The following RGS12 variants were observed in gnomAD, a reference collection of about 807,000 sequenced individuals.
RGS12 encodes regulator of G protein signaling 12.
Under a neutral mutation model 120.1 loss-of-function variants are expected in RGS12, and 66 were observed. The ratio of observed to expected loss-of-function variants is 0.55; its 90% CI spans 0.45 to 0.67. The LOEUF (loss-of-function observed/expected upper bound fraction) is 0.67. Among genes scored for constraint, RGS12 ranks in the 30% least tolerant of loss-of-function variants. RGS12 has a pLI of 0.00. For missense variants in RGS12, 1,859 were observed against 1,957.7 expected, an observed-to-expected ratio of 0.95 and a Z score of 0.95; for synonymous variants, 827 against 804.7, an observed-to-expected ratio of 1.03 and a Z score of -0.47.
Position 3,417,504 on chromosome 4 carries a change from G to A in RGS12, c.2724G>A (p.Arg908=), listed in dbSNP as rs774988349. Residue 908 remains arginine, a synonymous_variant, in exon 9 of 18, where the codon AGG becomes AGA. Transcript: ENST00000336727. ...FSWSRTRSTG[R]SQKKREHGDH... is the part of the protein sequence containing the mutation. ...GGTCGCGGACCAGGAGCACCGGGAG[G>A]TCCCAGAAAAAGAGGGAGCACGGGG... 36 of 1,613,250 alleles carry A rather than the reference G, an allele frequency of 2.2e-5. No homozygotes were observed. Among genetic ancestry groups the A allele is most frequent in the Middle Eastern group, 3.3e-4 (2 of 6,084 alleles).
At chr4:3,412,481 A>T (rs1721845752) in intron 4 of RGS12, among the ~76,000 whole-genome samples, 1 of 152,086 alleles carries the variant, frequency 6.6e-6, no homozygotes, top group South Asian at 2.1e-4. Flanking sequence ...TGATAATAAG[A>T]TGTGTTCTAT....
At chr4:3,310,228 G>A (rs58988368) in intron 1 of RGS12, among the ~76,000 whole-genome samples, 673 of 12,114 alleles carry the variant, frequency 0.056, 3 homozygotes, top group African/African-American at 0.098. Flanking sequence ...AACCGTGTGG[G>A]GGAGGAGCTG....
intron 4 of RGS12, among the ~76,000 whole-genome samples, chr4:3,405,740 G>A (rs906652887): frequency 2.6e-5 from 4 of 152,236 alleles, no homozygotes; most frequent in Non-Finnish European, 5.9e-5. Flanking sequence ...TTGCGTGTGT[G>A]CAGGTGTGAA....
intron 1 of RGS12, among the ~76,000 whole-genome samples, chr4:3,305,441 CAG>C (rs369849602): frequency 9.0e-4 from 137 of 152,294 alleles, no homozygotes; most frequent in African/African-American, 3.1e-3. Context: ...AGCATCTGCT[CAG>C]AGTCCCGCGT....
At chr4:3,370,641 T>C (rs1377718899) in intron 3 of RGS12, among the ~76,000 whole-genome samples, 1 of 152,264 alleles carries the variant, frequency 6.6e-6, no homozygotes, top group Non-Finnish European at 1.5e-5. Flanking sequence ...GTAATTCTCA[T>C]AGATTTGAAA....
chr4:3,364,106 C>T (rs1338774565), intron 3 of RGS12, among the ~76,000 whole-genome samples: 1 of 152,226 alleles, frequency 6.6e-6, no homozygotes, highest in Admixed American at 6.5e-5. Flanking sequence ...TCTCTATTCA[C>T]CAGGAAAATA....
intron 1 of RGS12, among the ~76,000 whole-genome samples, chr4:3,312,336 G>A (rs1724450758): frequency 6.6e-6 from 1 of 152,178 alleles, no homozygotes; most frequent in South Asian, 2.1e-4. Context: ...ACTAGTCTGG[G>A]CAACATAGTG....
At chr4:3,428,976 C>T (rs906190547) in intron 16 of RGS12, among the ~76,000 whole-genome samples, 5 of 152,228 alleles carry the variant, frequency 3.3e-5, no homozygotes, top group African/African-American at 4.8e-5. Flanking sequence ...ATGCCAGAGG[C>T]CCCCGCAGGC....
intron 17 of RGS12, chr4:3,431,173 T>C: frequency 7.1e-7 from 1 of 1,410,052 alleles, no homozygotes; most frequent in Non-Finnish European, 9.2e-7. Context: ...CCCGAGGCGC[T>C]CTGGGCAGGC....
chr4:3,336,631 G>A (rs1212062951), intron 2 of RGS12, among the ~76,000 whole-genome samples: 1 of 152,252 alleles, frequency 6.6e-6, no homozygotes, highest in East Asian at 1.9e-4. Flanking sequence ...CCCCACTGGG[G>A]CTTAGGGACT....
intron 2 of RGS12, among the ~76,000 whole-genome samples, chr4:3,320,754 G>A (rs1725122068): frequency 6.6e-6 from 1 of 152,182 alleles, no homozygotes; most frequent in South Asian, 2.1e-4. Flanking sequence ...AGTTAGAGCA[G>A]CAGAAGCTTC....
intron 3 of RGS12, among the ~76,000 whole-genome samples, chr4:3,364,223 C>T (rs909517032): frequency 2.0e-5 from 3 of 152,172 alleles, no homozygotes; most frequent in Admixed American, 6.5e-5. Flanking sequence ...TGTCACCATC[C>T]GACACTAGCA....
intron 6 of RGS12, 27 bp downstream of exon 6, chr4:3,414,871 C>T (rs1486286516): frequency 1.3e-6 from 2 of 1,540,440 alleles, no homozygotes; most frequent in South Asian, 2.2e-5. Flanking sequence ...GAAGTGGGGG[C>T]TGTGTGAGAG....
At chr4:3,288,639 C>T (rs961040609), upstream of RGS12, among the ~76,000 whole-genome samples, 10 of 152,192 alleles carry the variant, frequency 6.6e-5, no homozygotes, top group South Asian at 2.1e-4. This position sits in a 1 kb window ranked among gnomAD's most constrained non-coding sequence, Gnocchi z 5.2. Flanking sequence ...TCCTCCTTTC[C>T]GGGACGTATG....
rs1329856165 is a variant in RGS12, at chr4:3,358,534, TAA to T, written c.1998+15482_1998+15483del. On this transcript the variant is annotated intron_variant, in intron 3 of 17. Transcript: ENST00000336727. ...TTCTGGTTTACTGAGTGTTTTTTTTTAAGTCATGAAAGGGTACTGAATTTTGT... is the reference window on the plus strand; with the variant it reads ...TTCTGGTTTACTGAGTGTTTTTTTTTGTCATGAAAGGGTACTGAATTTTGT... Among the ~76,000 whole-genome samples the T allele has an allele frequency of 2.6e-5, 4 of 152,334 alleles. No homozygotes were observed. In the Middle Eastern group the frequency reaches 0.014, roughly 518 times the overall value.
chr4:3,355,478 T>G (rs1276299000), intron 3 of RGS12, among the ~76,000 whole-genome samples: 1 of 152,136 alleles, frequency 6.6e-6, no homozygotes, highest in African/African-American at 2.4e-5. Flanking sequence ...TGATTGTTAC[T>G]GTTCTCAGAT....
Position 3,370,533 on chromosome 4 carries a change from G to A in RGS12, c.1999-15883G>A, listed in dbSNP as rs577271434. 7.2e-5 allele frequency among the ~76,000 whole-genome samples: 11 copies of A among 152,348 alleles called. No individual in the cohort carries two copies. In the South Asian group the frequency reaches 1.2e-3, roughly 17 times the overall value. On this transcript the variant is annotated intron_variant, in intron 3 of 17. Transcript: ENST00000336727. ...TGGGACCGCAGCACGTCCCGGGCCC[G>A]ACACACCCGGCCGCCGGCCTCAACC...
chr4:3,387,114 C>A (rs111975327), intron 4 of RGS12, among the ~76,000 whole-genome samples: 2 of 152,136 alleles, frequency 1.3e-5, no homozygotes, highest in African/African-American at 2.4e-5. Flanking sequence ...CCTGACAGTC[C>A]GCAGGCTCTC....
chr4:3,400,702 A>G (rs1160629628), intron 4 of RGS12, among the ~76,000 whole-genome samples: 2 of 149,224 alleles, frequency 1.3e-5, no homozygotes, highest in African/African-American at 4.9e-5. Flanking sequence ...TAGTAATACT[A>G]ATTGCTTATT....
Sources: gnomAD v4.1 joint callset for allele counts (sites outside exome capture counted in the v4.1 genomes callset) on GRCh38, gnomAD v4.1.1 for gene constraint, Gnocchi (gnomAD v3.1) non-coding constraint, MANE v1.5 for transcripts, NCBI Gene and HGNC (gene_info 2026-07-23, HGNC 2026-07-21) for gene names.